The following SBF2 variants were observed in gnomAD, a reference collection of about 807,000 sequenced individuals.
The protein encoded by SBF2 is SET binding factor 2.
In SBF2, 112 loss-of-function variants were observed where a neutral mutation model predicts 225.2. The observed-to-expected ratio is 0.50, with a 90% CI of 0.43 to 0.58. The LOEUF (loss-of-function observed/expected upper bound fraction) is 0.58, where lower values mean the gene tolerates loss of function less well. Among genes scored for constraint, SBF2 ranks in the 20% least tolerant of loss-of-function variants. The pLI, the probability that SBF2 is intolerant of heterozygous loss-of-function variation, is 0.00. For missense variants in SBF2, 1,996 were observed against 2,206.2 expected (o/e 0.90, Z 1.91); for synonymous variants, 763 against 773.3 (o/e 0.99, Z 0.22).
intron 2 of SBF2, among the ~76,000 whole-genome samples, chr11:10,109,988 C>T (rs1302044975): frequency 6.6e-6 from 1 of 152,198 alleles, no homozygotes; most frequent in Admixed American, 6.5e-5. Flanking sequence ...TCAAATTCCA[C>T]ACAAGATTCT....
chr11:10,278,448 T>C (rs1963135408), intron 1 of SBF2, among the ~76,000 whole-genome samples: 1 of 152,206 alleles, frequency 6.6e-6, no homozygotes, highest in Admixed American at 6.5e-5. Flanking sequence ...TCTTATAATA[T>C]TTAATGATCT....
At chr11:9,839,467 A>G in intron 26 of SBF2, 31 bp downstream of exon 26, 1 of 1,598,822 alleles carries the variant, frequency 6.3e-7, no homozygotes, top group African/African-American at 1.3e-5. Context: ...AGGAAGGAAG[A>G]CCTCTTTTTG....
At chr11:9,850,351 G>A in intron 21 of SBF2, 133 bp from the exon 22 acceptor site, 1 of 816,488 alleles carries the variant, frequency 1.2e-6, no homozygotes, top group Non-Finnish European at 2.0e-6. Context: ...AAACTCCTGG[G>A]CTCAAAAGAT....
intron 3 of SBF2, among the ~76,000 whole-genome samples, chr11:10,032,657 C>G (rs1455631569): frequency 6.6e-6 from 1 of 152,194 alleles, no homozygotes; most frequent in Non-Finnish European, 1.5e-5. Flanking sequence ...GCATTTGTTA[C>G]TATCCAACAT....
intron 32 of SBF2, among the ~76,000 whole-genome samples, chr11:9,796,838 T>C (rs1196016702): frequency 6.6e-6 from 1 of 152,112 alleles, no homozygotes; most frequent in Admixed American, 6.5e-5. Flanking sequence ...AATGAGTGAA[T>C]GACATGGGAG....
At chr11:10,040,540 T>C (rs947896774) in intron 3 of SBF2, among the ~76,000 whole-genome samples, 5 of 151,900 alleles carry the variant, frequency 3.3e-5, no homozygotes, top group Admixed American at 3.3e-4. Context: ...ATATGTAGTA[T>C]GTACTAGATC....
intron 1 of SBF2, among the ~76,000 whole-genome samples, chr11:10,289,710 G>A (rs1020360713): frequency 1.3e-5 from 2 of 152,098 alleles, no homozygotes; most frequent in Non-Finnish European, 1.5e-5. Context: ...CGGTGCCCTC[G>A]GCAGGGTGGG....
chr11:10,108,418 G>A (rs1281021590), intron 2 of SBF2, among the ~76,000 whole-genome samples: 1 of 151,944 alleles, frequency 6.6e-6, no homozygotes, highest in African/African-American at 2.4e-5. Flanking sequence ...ACTATGAAGT[G>A]GTATTTATAG....
At chr11:9,823,797 C>A (rs1355403929) in intron 28 of SBF2, among the ~76,000 whole-genome samples, 1 of 152,158 alleles carries the variant, frequency 6.6e-6, no homozygotes, top group Admixed American at 6.5e-5. Flanking sequence ...GAAAGCAGCT[C>A]TAGAGATCAC....
chr11:10,119,989 A>C (rs1953358541), intron 2 of SBF2, among the ~76,000 whole-genome samples: 1 of 152,220 alleles, frequency 6.6e-6, no homozygotes, highest in East Asian at 1.9e-4. Flanking sequence ...GTAAATGTAT[A>C]GTTCAGTAGT....
At chr11:10,277,311 T>A (rs1591355030) in intron 1 of SBF2, among the ~76,000 whole-genome samples, 1 of 152,184 alleles carries the variant, frequency 6.6e-6, no homozygotes, top group East Asian at 1.9e-4. Flanking sequence ...GAATTCTGAA[T>A]TTTCTACAGC....
intron 1 of SBF2, chr11:10,302,987 G>A (rs528798777): frequency 3.3e-5 from 5 of 152,428 alleles, no homozygotes; most frequent in African/African-American, 1.2e-4. Context: ...CCAAGTGGAA[G>A]CTGGCGACAA....
intron 1 of SBF2, among the ~76,000 whole-genome samples, chr11:10,257,124 C>T (rs1371814912): frequency 6.6e-6 from 1 of 152,182 alleles, no homozygotes; most frequent in Non-Finnish European, 1.5e-5. Context: ...TATCCAAGAT[C>T]ACATCTAATA....
In SBF2 at chr11:10,233,567, C is replaced by G. The variant is rs35269701; in HGVS notation, c.56-39580G>C. 2.7e-5 allele frequency among the ~76,000 whole-genome samples: 4 copies of G among 149,054 alleles called. No individual in the cohort carries two copies. In the East Asian group the frequency reaches 7.8e-4, roughly 29 times the overall value. On this transcript the variant is annotated intron_variant, in intron 1 of 39. Transcript: ENST00000256190. ...ACCAAATATATATATATATCTCTCT[C>G]TCTCAAAGATTCTGTATCATTTTAA...
At chr11:10,225,345 T>C (rs1472336517) in intron 1 of SBF2, among the ~76,000 whole-genome samples, 3 of 151,764 alleles carry the variant, frequency 2.0e-5, no homozygotes, top group African/African-American at 4.8e-5. Context: ...AACATGAAAT[T>C]ATGCCAGATA....
intron 1 of SBF2, among the ~76,000 whole-genome samples, chr11:10,221,066 CT>C (rs1317365926): frequency 6.6e-6 from 1 of 151,308 alleles, no homozygotes; most frequent in Non-Finnish European, 1.5e-5. Context: ...GCTCCTTTCA[CT>C]TATATTACTA....
intron 1 of SBF2, among the ~76,000 whole-genome samples, chr11:10,217,683 G>T (rs184309105): frequency 1.9e-4 from 29 of 152,174 alleles, no homozygotes; most frequent in Non-Finnish European, 2.1e-4. Flanking sequence ...ATTTTTATGA[G>T]AGAAAAAACT....
chr11:9,987,715 G>C (rs1386340859), intron 13 of SBF2, among the ~76,000 whole-genome samples: 1 of 151,864 alleles, frequency 6.6e-6, no homozygotes, highest in African/African-American at 2.4e-5. Context: ...TAACAAAGGA[G>C]TCCAAAGACC....
intron 2 of SBF2, among the ~76,000 whole-genome samples, chr11:10,052,404 A>T (rs1400283211): frequency 6.6e-6 from 1 of 152,172 alleles, no homozygotes; most frequent in Admixed American, 6.5e-5. Flanking sequence ...CCATGCCCAT[A>T]AAAATGTTAA....
Sources: allele counts gnomAD v4.1 joint callset (sites outside exome capture counted in the v4.1 genomes callset), GRCh38; gene constraint gnomAD v4.1.1; transcripts MANE v1.5; gene names NCBI Gene and HGNC (gene_info 2026-07-23, HGNC 2026-07-21).